Variants in SORCS2 observed in about 807,000 individuals in gnomAD.
SORCS2 encodes sortilin related VPS10 domain containing receptor 2, also known as VPS10 domain-containing receptor SorCS2.
Under a neutral mutation model 141.6 loss-of-function variants are expected in SORCS2, and 100 were observed. The observed-to-expected ratio is 0.71, with a 90% CI of 0.60 to 0.83. The LOEUF (loss-of-function observed/expected upper bound fraction) is 0.83, where lower values mean the gene tolerates loss of function less well. SORCS2 is among the 40% of genes least tolerant of loss of function. The pLI is 0.00. For missense variants in SORCS2, 1,646 were observed against 1,560.2 expected (o/e 1.05, Z -0.93); for synonymous variants, 789 against 676.9 (o/e 1.17, Z -2.57).
chr4:7,293,480 A>G (rs1032378107), intron 1 of SORCS2, among the ~76,000 whole-genome samples: 5 of 152,154 alleles, frequency 3.3e-5, no homozygotes, highest in South Asian at 2.1e-4. Flanking sequence ...AATGTCTCCA[A>G]TGATCCCTCT....
At chr4:7,738,434 G>A (rs114640614) in intron 26 of SORCS2, among the ~76,000 whole-genome samples, 1,739 of 152,342 alleles carry the variant, frequency 0.011, 13 homozygotes, top group Non-Finnish European at 0.019. Flanking sequence ...GGTGAACGGA[G>A]CTGGAAGTCA....
chr4:7,630,306 G>T (rs1719803255), intron 3 of SORCS2, among the ~76,000 whole-genome samples: 3 of 152,196 alleles, frequency 2.0e-5, no homozygotes, highest in South Asian at 4.1e-4. Context: ...GGCCCCAGCA[G>T]GAACGAACCT....
chr4:7,424,018 C>T (rs897270542), intron 2 of SORCS2, among the ~76,000 whole-genome samples: 3 of 152,218 alleles, frequency 2.0e-5, no homozygotes, highest in Non-Finnish European at 4.4e-5. Flanking sequence ...CGTGTCCTGG[C>T]ATCCGTGGGT....
At chr4:7,227,008 C>T (rs1729030784) in intron 1 of SORCS2, among the ~76,000 whole-genome samples, 1 of 152,238 alleles carries the variant, frequency 6.6e-6, no homozygotes. Flanking sequence ...CTGTGACCAG[C>T]ACCCCTCACA....
In SORCS2 at chr4:7,434,731, T is replaced by G. The variant is rs1345267929; in HGVS notation, c.548+38376T>G. The G allele has an allele frequency of 1.9e-6, 3 of 1,613,196 alleles. No homozygotes were observed. In the East Asian group the frequency reaches 6.7e-5, roughly 36 times the overall value. On this transcript the variant is annotated intron_variant, in intron 2 of 26. Transcript: ENST00000507866. ...GGTGGGTTTGTTCCATACGGCCCCTTGGCAGTACCCCACAGCCCCGCACCT... is the reference window on the plus strand; with the variant it reads ...GGTGGGTTTGTTCCATACGGCCCCTGGGCAGTACCCCACAGCCCCGCACCT...
intron 10 of SORCS2, among the ~76,000 whole-genome samples, chr4:7,684,050 C>A (rs1723727641): frequency 6.6e-6 from 1 of 152,128 alleles, no homozygotes; most frequent in East Asian, 1.9e-4. Context: ...CTTCTCACTC[C>A]CCTTCCAACA....
intron 1 of SORCS2, among the ~76,000 whole-genome samples, chr4:7,290,853 G>T (rs1716553121): frequency 6.6e-6 from 1 of 152,162 alleles, no homozygotes; most frequent in Non-Finnish European, 1.5e-5. Context: ...CTATGCTCCA[G>T]GCAGGGCTGA....
At chr4:7,719,793 C>T (rs1726456058) in intron 18 of SORCS2, among the ~76,000 whole-genome samples, 1 of 152,176 alleles carries the variant, frequency 6.6e-6, no homozygotes, top group Non-Finnish European at 1.5e-5. Flanking sequence ...GTCGCATCTG[C>T]GGAGTGTCTC....
chr4:7,722,415 C>A (rs1157633469), intron 18 of SORCS2, among the ~76,000 whole-genome samples: 2 of 152,180 alleles, frequency 1.3e-5, no homozygotes, highest in South Asian at 2.1e-4. Flanking sequence ...CACCCTGCAG[C>A]CTCCTTCCTA....
chr4:7,641,921 GATGGATGGATAGATGATGGATGGATGA>G (rs1410350823), intron 4 of SORCS2, among the ~76,000 whole-genome samples: 1 of 150,524 alleles, frequency 6.6e-6, no homozygotes, highest in African/African-American at 2.4e-5. Context: ...TGTGTGGACA[GATGGATGGATAGATGATGGATGGATGA>G]ATGGATGGAT....
At position 7,452,329 on chromosome 4, in the gene SORCS2, A is replaced by T. The variant is rs150680490; in HGVS notation, c.548+55974A>T. On this transcript the variant is annotated intron_variant, in intron 2 of 26. Transcript: ENST00000507866. Reference sequence around the variant, plus strand: ...GTAATTTTTGTATTTTTTAGTAGAGACAGAGTTTCACCACATTGGCCAGGC... The same window carrying T: ...GTAATTTTTGTATTTTTTAGTAGAGTCAGAGTTTCACCACATTGGCCAGGC... 5.9e-3 allele frequency among the ~76,000 whole-genome samples: 902 copies of T among 152,060 alleles called. 9 individuals are homozygous for T. Among genetic ancestry groups the T allele is most frequent in the African/African-American group, 0.021 (864 of 41,472 alleles).
At chr4:7,604,475 G>A (rs1237220684) in intron 3 of SORCS2, among the ~76,000 whole-genome samples, 1 of 152,162 alleles carries the variant, frequency 6.6e-6, no homozygotes, top group East Asian at 1.9e-4. Flanking sequence ...CCGCCACCAC[G>A]CACGGCTCAT....
chr4:7,563,794 G>A (rs1714767313), intron 3 of SORCS2, among the ~76,000 whole-genome samples: 1 of 152,312 alleles, frequency 6.6e-6, no homozygotes, highest in South Asian at 2.1e-4. Context: ...TGCACGTACT[G>A]TTCTAGAATT....
chr4:7,450,297 G>A (rs183389413), intron 2 of SORCS2, among the ~76,000 whole-genome samples: 1 of 152,322 alleles, frequency 6.6e-6, no homozygotes, highest in African/African-American at 2.4e-5. Flanking sequence ...GGCTGTGGGA[G>A]GAATTAAAGG....
chr4:7,660,338 C>T (rs1722071757), intron 5 of SORCS2, among the ~76,000 whole-genome samples: 1 of 152,218 alleles, frequency 6.6e-6, no homozygotes, highest in Non-Finnish European at 1.5e-5. Context: ...CCCAGGAGCC[C>T]ACAGGGCAGC....
chr4:7,316,055 C>T (rs1718527706), intron 1 of SORCS2, among the ~76,000 whole-genome samples: 1 of 152,044 alleles, frequency 6.6e-6, no homozygotes, highest in East Asian at 1.9e-4. Context: ...GCTAGCTTTC[C>T]TTCCTTCCAT....
intron 2 of SORCS2, among the ~76,000 whole-genome samples, chr4:7,447,035 C>T (rs114891126): frequency 0.022 from 3,284 of 152,322 alleles, 93 homozygotes; most frequent in African/African-American, 0.075. Flanking sequence ...GCTCTCCCAG[C>T]ACAGAGAAGA....
chr4:7,580,521 T>G (rs747570312), intron 3 of SORCS2, among the ~76,000 whole-genome samples: 50 of 152,058 alleles, frequency 3.3e-4, no homozygotes, highest in South Asian at 6.2e-4. Context: ...TTTTGCATAG[T>G]GATCTACTTT....
chr4:7,495,843 G>A (rs536858723), intron 2 of SORCS2, among the ~76,000 whole-genome samples: 43 of 152,346 alleles, frequency 2.8e-4, no homozygotes, highest in African/African-American at 9.9e-4. Flanking sequence ...ACCAGGGGCC[G>A]CAGCCCCCAC....
Sources: gnomAD v4.1 joint callset for allele counts (sites outside exome capture counted in the v4.1 genomes callset) on GRCh38, gnomAD v4.1.1 for gene constraint, MANE v1.5 for transcripts, NCBI Gene and HGNC (gene_info 2026-07-23, HGNC 2026-07-21) for gene names.